Variants in CCDC158 observed in about 807,000 individuals in gnomAD.
The protein encoded by CCDC158 is coiled-coil domain-containing protein 158.
In CCDC158, 116 loss-of-function variants were observed where a neutral mutation model predicts 138.6. The observed-to-expected ratio is 0.84, with a 90% CI of 0.72 to 0.98. The LOEUF is 0.98. Ranked by LOEUF, CCDC158 falls within the 50% of genes least tolerant of loss-of-function variation. The pLI is 0.00. For missense variants in CCDC158, 1,265 were observed against 1,306.1 expected, an observed-to-expected ratio of 0.97 and a Z score of 0.48; for synonymous variants, 436 against 442.4, an observed-to-expected ratio of 0.99 and a Z score of 0.18.
Position 76,353,248 on chromosome 4 carries a change from G to GT in CCDC158, c.2319dup (p.Leu774ThrfsTer35). Reference sequence around the variant, plus strand: ...GCAACAGTACTCAATTCCTGACTGAGTTTACTTTTCTCTTCTTTCAGAAAA... The same window carrying GT: ...GCAACAGTACTCAATTCCTGACTGAGTTTTACTTTTCTCTTCTTTCAGAAAA... On this transcript the variant is annotated frameshift_variant, in exon 16 of 25. Transcript: ENST00000682701. LOFTEE classifies it high-confidence loss of function. The GT allele has an allele frequency of 6.2e-7, 1 of 1,609,564 alleles. No individual in the cohort carries two copies. Among genetic ancestry groups the GT allele is most frequent in the Non-Finnish European group, 8.5e-7 (1 of 1,178,466 alleles).
rs1293593629 is a variant in CCDC158, at chr4:76,325,895, C to T, written c.3131G>A (p.Arg1044Lys). The part of the protein sequence containing the change: ...EGSIGSTSQY[R>K]SAKPIHSSDS... ...AGATGAATGAATAGGTTTGGCAGAT[C>T]TATACTGTGATGTGGAACCTATTGA... Residue 1044 changes from arginine to lysine, a missense_variant, in exon 23 of 25, where the codon AGA (arginine) becomes AAA (lysine). Transcript: ENST00000682701. The T allele has an allele frequency of 5.6e-6, 9 of 1,613,294 alleles. No homozygotes were observed. Among genetic ancestry groups the T allele is most frequent in the Non-Finnish European group, 7.6e-6 (9 of 1,179,638 alleles).
At position 76,384,357 on chromosome 4, in the gene CCDC158, C is replaced by CATGAACTGT. The variant is rs745983277; in HGVS notation, c.448_456dup (p.Thr150_His152dup). 1 of 1,614,106 alleles carries CATGAACTGT rather than the reference C, an allele frequency of 6.2e-7. No homozygotes were observed. The highest frequency in any genetic ancestry group is 1.1e-5 in the South Asian group (1 of 91,084). On this transcript the variant is annotated inframe_insertion, in exon 6 of 25. Transcript: ENST00000682701. ...TTAAGGCATTTGGCAGCTTCAAGTT[C>CATGAACTGT]ATGAACTGTATTTTGAAGCTGATTT...
intron 23 of CCDC158, among the ~76,000 whole-genome samples, chr4:76,324,666 G>A (rs989507124): frequency 1.3e-5 from 2 of 152,040 alleles, no homozygotes; most frequent in African/African-American, 2.4e-5. Flanking sequence ...CATGGAGGCC[G>A]AAGCAACTCC....
At position 76,348,268 on chromosome 4, in the gene CCDC158, C is replaced by CAAA. The variant is rs11453657; in HGVS notation, c.2664+2725_2664+2727dup. 3.0e-3 allele frequency among the ~76,000 whole-genome samples: 377 copies of CAAA among 125,938 alleles called. 3 individuals carry two copies. Among genetic ancestry groups the CAAA allele is most frequent in the African/African-American group, 0.011 (353 of 33,546 alleles). The allele number at this position is 125,938 out of a possible 152,430, so 82.6% of individuals were successfully genotyped here. A position where few individuals can be genotyped will look rare whatever the true frequency, so the allele number is the denominator to read the frequency against. On this transcript the variant is annotated intron_variant, in intron 18 of 24. Transcript: ENST00000682701. ...TGAAACCCCGTCTCTACTAAATATA[C>CAAA]AAAAAAAAAAAAAAAAATTAGCCAG...
rs948723370 is a variant in CCDC158 at position 76,401,388 on chromosome 4, G to A, written c.70+1750C>T. The stretch of plus-strand genomic sequence containing the variant: ...AAGCAGCATGATGACAGGAAGCAGA[G>A]TGGCTATGGTAGGCAGACTAAGTCA... On this transcript the variant is annotated intron_variant, in intron 3 of 24. Coordinates refer to ENST00000682701, the MANE Select transcript of CCDC158 (RefSeq NM_001394954.1). The A allele has an allele frequency of 8.0e-6, 4 of 499,640 alleles. No individual in the cohort carries two copies. In the East Asian group the frequency reaches 2.3e-4, roughly 28 times the overall value. 31.0% of individuals were successfully genotyped at this position (499,640 alleles called of 1,614,324 possible).
intron 18 of CCDC158, among the ~76,000 whole-genome samples, chr4:76,347,887 T>A (rs1017335360): frequency 5.3e-5 from 8 of 152,238 alleles, no homozygotes; most frequent in African/African-American, 1.9e-4. Flanking sequence ...ATCATATAAT[T>A]ATCATGTGCC....
chr4:76,420,861 G>C (rs1217268467), intron 1 of CCDC158, among the ~76,000 whole-genome samples, 104 bp downstream of exon 1: 2 of 152,170 alleles, frequency 1.3e-5, no homozygotes, highest in Non-Finnish European at 1.5e-5. Context: ...ACAAACACGA[G>C]GCACCGGAAG....
chr4:76,367,713 C>G lies in CCDC158; in HGVS notation c.1411G>C (p.Glu471Gln), dbSNP rs181312230. 5.0e-5 allele frequency: 81 copies of G among 1,613,992 alleles called. No homozygotes were observed. In the African/African-American group the frequency reaches 1.0e-3, roughly 20 times the overall value. Residue 471 changes from glutamate (E) to glutamine (Q), a missense_variant, in exon 12 of 25, where the codon GAA becomes CAA. Physicochemically the swap from Glu to Gln is conservative, Grantham distance 29. Transcript: ENST00000682701. ...EKVSSLTAQL[E>Q]STKEMLRKVV... ...TTGCGCAGCATCTCTTTGGTGGATT[C>G]AAGCTGAGCAGTCAAGGAGGATACT...
At chr4:76,325,717 AC>A (rs1359140539) in intron 23 of CCDC158, 139 bp downstream of exon 23, 8 of 574,378 alleles carry the variant, frequency 1.4e-5, no homozygotes, top group South Asian at 6.7e-5. Flanking sequence ...TTTAAAAAAG[AC>A]CTGTTTAAAT....
At chr4:76,325,294 C>G (rs1031756972) in intron 23 of CCDC158, among the ~76,000 whole-genome samples, 9 of 152,138 alleles carry the variant, frequency 5.9e-5, no homozygotes, top group African/African-American at 1.9e-4. Flanking sequence ...TCATAGAACA[C>G]TGGGGTTGTT....
chr4:76,318,331 T>C (rs1490729855), intron 24 of CCDC158, among the ~76,000 whole-genome samples: 3 of 152,100 alleles, frequency 2.0e-5, no homozygotes, highest in African/African-American at 2.4e-5. Context: ...ATGAGAGATT[T>C]TACAACTTAT....
At chr4:76,354,830 C>T (rs1315276214) in intron 15 of CCDC158, among the ~76,000 whole-genome samples, 1 of 152,194 alleles carries the variant, frequency 6.6e-6, no homozygotes, top group Non-Finnish European at 1.5e-5. Context: ...AAGAAAACTT[C>T]AGGTCATTTT....
At position 76,403,135 on chromosome 4, in the gene CCDC158, T is replaced by C; in HGVS notation, c.70+3A>G. The C allele has an allele frequency of 2.5e-6, 4 of 1,596,444 alleles. No individual in the cohort carries two copies. The highest frequency in any genetic ancestry group is 3.4e-6 in the Non-Finnish European group (4 of 1,168,722). On this transcript the variant is annotated splice_donor_region_variant and intron_variant, in intron 3 of 24. Transcript: ENST00000682701. ...CCCATTTTGTTTTATAAACAGCACA[T>C]ACCTCCATTAGATGTGACACCACTA...
chr4:76,389,294 A>G (rs1272066134), intron 4 of CCDC158, among the ~76,000 whole-genome samples: 1 of 152,122 alleles, frequency 6.6e-6, no homozygotes, highest in Non-Finnish European at 1.5e-5. Context: ...AAGCAGAAAT[A>G]TTAGAATTGA....
chr4:76,351,125 G>C lies in CCDC158; in HGVS notation c.2539-4C>G. On this transcript the variant is annotated splice_region_variant and splice_polypyrimidine_tract_variant and intron_variant, in intron 17 of 24. Coordinates refer to ENST00000682701, the MANE Select transcript of CCDC158 (RefSeq NM_001394954.1). ...TGTATCCAGGGCCCTGAAGTTCCTGGAAAACAATATAGAGGTAAGCAAAAT... is the reference window on the plus strand; with the variant it reads ...TGTATCCAGGGCCCTGAAGTTCCTGCAAAACAATATAGAGGTAAGCAAAAT... 6.2e-7 allele frequency: 1 copy of C among 1,611,108 alleles called. No homozygotes were observed. Among genetic ancestry groups the C allele is most frequent in the Non-Finnish European group, 8.5e-7 (1 of 1,178,536 alleles).
intron 24 of CCDC158, among the ~76,000 whole-genome samples, chr4:76,314,631 C>T (rs557558881): frequency 2.6e-5 from 4 of 152,246 alleles, no homozygotes; most frequent in South Asian, 2.1e-4. Context: ...ATCCAGATTA[C>T]GGGAGAAGGA....
chr4:76,386,731 T>C (rs1005234220), intron 4 of CCDC158, among the ~76,000 whole-genome samples: 5 of 151,520 alleles, frequency 3.3e-5, no homozygotes, highest in Non-Finnish European at 5.9e-5. Context: ...ATGCCACCCC[T>C]TCCACCATCC....
chr4:76,405,497 A>C (rs1276931585), intron 2 of CCDC158, among the ~76,000 whole-genome samples: 1 of 152,184 alleles, frequency 6.6e-6, no homozygotes, highest in Non-Finnish European at 1.5e-5. Flanking sequence ...AATTTGGAAA[A>C]AAAGGATAAA....
At chr4:76,414,479 T>A (rs1005311168) in intron 1 of CCDC158, 4 of 152,252 alleles carry the variant, frequency 2.6e-5, no homozygotes, top group Non-Finnish European at 5.9e-5. Flanking sequence ...TGGAGAGTTG[T>A]CAAGTACAAT....
Sources: gnomAD v4.1 joint callset for allele counts (sites outside exome capture counted in the v4.1 genomes callset) on GRCh38, gnomAD v4.1.1 for gene constraint, MANE v1.5 for transcripts, NCBI Gene and HGNC (gene_info 2026-07-23, HGNC 2026-07-21) for gene names.